Variants in CCDC30 observed in about 807,000 individuals in gnomAD.
CCDC30 encodes the protein coiled-coil domain-containing protein 30.
Under a neutral mutation model 100.2 loss-of-function variants are expected in CCDC30, and 70 were observed. The ratio of observed to expected loss-of-function variants is 0.70; its 90% CI spans 0.58 to 0.85. The LOEUF is 0.85. Among genes scored for constraint, CCDC30 ranks in the 40% least tolerant of loss-of-function variants. The probability of loss-of-function intolerance (pLI) is 0.00; values close to 1 mark genes in which losing one functional copy is unlikely to be tolerated. For synonymous variants in CCDC30, 233 were observed against 269.5 expected (o/e 0.86, Z 1.33); for missense variants, 652 against 771.2 (o/e 0.85, Z 1.83).
intron 11 of CCDC30, 145 bp downstream of exon 15, chr1:42,611,235 C>T: frequency 1.9e-6 from 1 of 526,666 alleles, no homozygotes; most frequent in East Asian, 3.1e-5. Flanking sequence ...TCCAAAAGTG[C>T]TATCCACAGG....
intron 6 of CCDC30, among the ~76,000 whole-genome samples, chr1:42,519,758 T>C (rs908315332): frequency 6.6e-6 from 1 of 152,012 alleles, no homozygotes. Flanking sequence ...TTTCACCATG[T>C]TGGCCAGGCT....
chr1:42,496,369 C>A (rs1414859322), intron 4 of CCDC30, among the ~76,000 whole-genome samples: 2 of 152,064 alleles, frequency 1.3e-5, no homozygotes, highest in East Asian at 1.9e-4. Flanking sequence ...TTCTCTAGAA[C>A]TCTACTTCAG....
At chr1:42,551,719 T>A (rs1331890265) in intron 6 of CCDC30, among the ~76,000 whole-genome samples, 2 of 151,340 alleles carry the variant, frequency 1.3e-5, no homozygotes, top group Non-Finnish European at 2.9e-5. Context: ...TTTTCTCTTA[T>A]ACCTTTTGAA....
chr1:42,538,835 C>G (rs1439281208), intron 6 of CCDC30, among the ~76,000 whole-genome samples: 3 of 152,156 alleles, frequency 2.0e-5, no homozygotes, highest in African/African-American at 7.2e-5. Flanking sequence ...ATCTTAGAAA[C>G]AGATAATATA....
chr1:42,511,684 A>G (rs1644479698), intron 6 of CCDC30, among the ~76,000 whole-genome samples: 1 of 152,116 alleles, frequency 6.6e-6, no homozygotes, highest in Non-Finnish European at 1.5e-5. Flanking sequence ...CCTGATTTTT[A>G]GTATATTGGT....
chr1:42,610,897 T>G (rs1375225338), intron 10 of CCDC30, 81 bp from the exon 15 acceptor site: 1 of 672,888 alleles, frequency 1.5e-6, no homozygotes, highest in Non-Finnish European at 2.5e-6. Context: ...TTTTTTTTTT[T>G]TTTACCAGAA....
At chr1:42,568,838 G>A (rs1645666574) in intron 7 of CCDC30, among the ~76,000 whole-genome samples, 1 of 151,484 alleles carries the variant, frequency 6.6e-6, no homozygotes, top group African/African-American at 2.4e-5. Context: ...AGCTACTCGG[G>A]AGGCTGAGGC....
intron 7 of CCDC30, among the ~76,000 whole-genome samples, chr1:42,570,791 T>C (rs112708319): frequency 6.6e-6 from 1 of 152,208 alleles, no homozygotes; most frequent in Non-Finnish European, 1.5e-5. Context: ...TGTATAGCCA[T>C]TATTTATTCA....
At chr1:42,587,309 T>C (rs1646093017) in intron 9 of CCDC30, among the ~76,000 whole-genome samples, 1 of 152,354 alleles carries the variant, frequency 6.6e-6, no homozygotes, top group Admixed American at 6.5e-5. Context: ...CTTCCTACTT[T>C]CCAATTCTAG....
intron 5 of CCDC30, 36 bp downstream of exon 5, chr1:42,497,249 G>T (rs775692240): frequency 9.7e-6 from 11 of 1,134,794 alleles, no homozygotes; most frequent in Non-Finnish European, 1.2e-5. Context: ...GTATTTAAAT[G>T]TGTCTACCAT....
intron 11 of CCDC30, among the ~76,000 whole-genome samples, chr1:42,630,277 A>AT (rs775695631): frequency 6.7e-6 from 1 of 150,254 alleles, no homozygotes; most frequent in Non-Finnish European, 1.5e-5. Context: ...TCCTGGCTAG[A>AT]TTTGCCCTTT....
At chr1:42,577,032 C>A (rs12049046) in exon 8 of CCDC30, 1 of 1,611,588 alleles carries the variant, frequency 6.2e-7, no homozygotes, top group African/African-American at 1.3e-5. Context: ...AAAGATTGAA[C>A]TAAAGCATGC....
chr1:42,466,144 G>T (rs1230943669), intron 1 of CCDC30, among the ~76,000 whole-genome samples: 1 of 152,178 alleles, frequency 6.6e-6, no homozygotes, highest in Non-Finnish European at 1.5e-5. Flanking sequence ...AAGAAAGAAA[G>T]GTTACAGTGA....
At chr1:42,564,454 A>G (rs1645564166) in intron 6 of CCDC30, among the ~76,000 whole-genome samples, 1 of 152,114 alleles carries the variant, frequency 6.6e-6, no homozygotes, top group Non-Finnish European at 1.5e-5. Flanking sequence ...CTGGGACTAC[A>G]GGTGCGCACC....
intron 6 of CCDC30, among the ~76,000 whole-genome samples, chr1:42,515,369 C>T (rs891839998): frequency 1.3e-5 from 2 of 152,156 alleles, no homozygotes; most frequent in Non-Finnish European, 2.9e-5. Context: ...TGTTTTAAGA[C>T]CCCAGTTTGT....
chr1:42,644,735 T>C (rs748643287), exon 14 of CCDC30: 3 of 1,613,266 alleles, frequency 1.9e-6, no homozygotes, highest in South Asian at 1.1e-5. Context: ...TACAGGAAAA[T>C]AGTCTTCGTC....
intron 6 of CCDC30, among the ~76,000 whole-genome samples, chr1:42,549,681 C>T (rs1293955917): frequency 6.6e-6 from 1 of 152,154 alleles, no homozygotes; most frequent in Non-Finnish European, 1.5e-5. Context: ...ATAGTAGGTA[C>T]TCACAAAATA....
chr1:42,548,032 G>A (rs1420147419), intron 6 of CCDC30, among the ~76,000 whole-genome samples: 1 of 152,140 alleles, frequency 6.6e-6, no homozygotes, highest in East Asian at 1.9e-4. Flanking sequence ...TAATTTTCAG[G>A]GGAGATATGG....
chr1:42,655,129 AC>A (rs1185433140), downstream of CCDC30, among the ~76,000 whole-genome samples: 1 of 152,212 alleles, frequency 6.6e-6, no homozygotes, highest in Non-Finnish European at 1.5e-5. Context: ...TACTGTATAT[AC>A]CATGGAAACA....
Sources: gnomAD v4.1 joint callset for allele counts (sites outside exome capture counted in the v4.1 genomes callset) on GRCh38, gnomAD v4.1.1 for gene constraint, MANE v1.5 for transcripts, NCBI Gene and HGNC (gene_info 2026-07-23, HGNC 2026-07-21) for gene names.